MAP3K15: variants seen among roughly 807,000 people sequenced by gnomAD.
The protein encoded by MAP3K15 is mitogen-activated protein kinase kinase kinase 15.
MAP3K15 carries 124 observed loss-of-function variants against 99.5 expected under a neutral mutation model. The observed-to-expected ratio is 1.25, with a 90% confidence interval of 1.08 to 1.45. MAP3K15 has a LOEUF of 1.45. Ranked by LOEUF, MAP3K15 falls within the 40% of genes most tolerant of loss-of-function variation. MAP3K15 has a pLI of 0.00. For synonymous variants in MAP3K15, 494 were observed against 439.6 expected (o/e 1.12, Z -1.55); for missense variants, 1,242 against 1,079.7 (o/e 1.15, Z -2.11).
rs765965556 is a variant in MAP3K15 at position 19,400,581 on chromosome X, A to C, written c.1927T>G (p.Leu643Val). Residue 643 changes from leucine (L) to valine (V), a missense_variant, in exon 14 of 29, where the codon TTG becomes GTG. Physicochemically the swap from Leu to Val is conservative, Grantham distance 32. Coordinates refer to ENST00000338883, the MANE Select transcript of MAP3K15 (RefSeq NM_001001671.4). ...ELEGETDGDTLEYEYDHDANG... is the reference protein window; with the variant it reads ...ELEGETDGDTVEYEYDHDANG... Reference sequence around the variant, plus strand: ...CTAGATCGTCCATGACTCACCTCCAAGGTGTCTCCATCGGTCTCTCCCTCC... The same window carrying C: ...CTAGATCGTCCATGACTCACCTCCACGGTGTCTCCATCGGTCTCTCCCTCC... The C allele has an allele frequency of 5.0e-6, 6 of 1,193,666 alleles. No individual in the cohort carries two copies. In the South Asian group the frequency reaches 7.1e-5, roughly 14 times the overall value.
At chrX:19,447,606 G>A (rs763205068) in intron 6 of MAP3K15, among the ~76,000 whole-genome samples, 2 of 109,865 alleles carry the variant, frequency 1.8e-5, no homozygotes, top group Admixed American at 9.8e-5. Context: ...CCACGAGGCC[G>A]GGCGCGGTGG....
intron 15 of MAP3K15, among the ~76,000 whole-genome samples, chrX:19,397,048 C>T (rs1451655036): frequency 1.8e-5 from 2 of 109,067 alleles, no homozygotes; most frequent in Admixed American, 9.9e-5. Flanking sequence ...TACAGGTGTG[C>T]GCCACCATGC....
chrX:19,399,739 C>CAAA lies in MAP3K15; in HGVS notation c.1932+834_1932+836dup, dbSNP rs777947449. Among the ~76,000 whole-genome samples the CAAA allele has an allele frequency of 8.0e-3, 282 of 35,453 alleles. 11 individuals are homozygous for CAAA. The highest frequency in any genetic ancestry group is 0.011 in the African/African-American group (173 of 15,073). 30.8% of individuals were successfully genotyped at this position (35,453 alleles called of 115,157 possible). A position where few individuals can be genotyped will look rare whatever the true frequency, so the allele number is the denominator to read the frequency against. ...CAGCAACAGCGTGAGACTCTGTTTC[C>CAAA]AAAAAAAAAAAAAAAAAAAAAAAAA... On this transcript the variant is annotated intron_variant, in intron 14 of 28. Coordinates refer to ENST00000338883, the MANE Select transcript of MAP3K15 (RefSeq NM_001001671.4).
At chrX:19,441,152 C>G (rs1385806797) in intron 6 of MAP3K15, among the ~76,000 whole-genome samples, 2 of 112,157 alleles carry the variant, frequency 1.8e-5, no homozygotes, top group Non-Finnish European at 3.8e-5. Flanking sequence ...ACACAAAACA[C>G]ATATTGTATG....
chrX:19,361,426 G>T lies in MAP3K15; in HGVS notation c.3781-11C>A. ...ACCCTCTTCAACAATCTGAAACAAA[G>T]ATCAGATCCTTAAGAGCTGAGCAGC... is the stretch of plus-strand genomic sequence containing the variant. On this transcript the variant is annotated splice_polypyrimidine_tract_variant and intron_variant, in intron 27 of 28. Coordinates refer to ENST00000338883, the MANE Select transcript of MAP3K15 (RefSeq NM_001001671.4). 2 of 1,198,539 alleles carry T rather than the reference G, an allele frequency of 1.7e-6. No homozygotes were observed. The highest frequency in any genetic ancestry group is 3.5e-5 in the South Asian group (2 of 56,342).
intron 25 of MAP3K15, among the ~76,000 whole-genome samples, chrX:19,365,152 T>C (rs1232413226): frequency 2.8e-5 from 3 of 107,136 alleles, no homozygotes; most frequent in South Asian, 4.2e-4. Context: ...GAGGTTGCAG[T>C]GAGCAGAGAT....
intron 1 of MAP3K15, among the ~76,000 whole-genome samples, chrX:19,491,281 C>G (rs1043913820): frequency 9.0e-6 from 1 of 111,323 alleles, no homozygotes; most frequent in African/African-American, 3.3e-5. Context: ...AAAAAACCAA[C>G]TACAATACAA....
At chrX:19,373,174 A>C in intron 21 of MAP3K15, 1 of 149,639 alleles carries the variant, frequency 6.7e-6, no homozygotes, top group African/African-American at 4.4e-5. Context: ...GGAAGGGAGG[A>C]GGAGGGGCCA....
At position 19,373,520 on chromosome X, in the gene MAP3K15, C is replaced by T. The variant is rs1004704613; in HGVS notation, c.2933+16G>A. 1.2e-5 allele frequency: 14 copies of T among 1,165,596 alleles called. No homozygotes were observed. The highest frequency in any genetic ancestry group is 1.6e-5 in the Non-Finnish European group (14 of 871,412). On this transcript the variant is annotated intron_variant, in intron 21 of 28. Transcript: ENST00000338883. Reference sequence around the variant, plus strand: ...CCCTTTCGGGCCCGCGGCAGACAGACAGAATACGGGTGTACCTGAGGAGGT... The same window carrying T: ...CCCTTTCGGGCCCGCGGCAGACAGATAGAATACGGGTGTACCTGAGGAGGT...
intron 1 of MAP3K15, among the ~76,000 whole-genome samples, chrX:19,490,244 A>G (rs772723276): frequency 1.8e-5 from 2 of 109,229 alleles, no homozygotes; most frequent in African/African-American, 3.3e-5. Flanking sequence ...TGAACTTCAT[A>G]TAAATGGTAT....
At chrX:19,408,201 TC>T (rs2063661131) in intron 12 of MAP3K15, among the ~76,000 whole-genome samples, 1 of 111,279 alleles carries the variant, frequency 9.0e-6, no homozygotes, top group African/African-American at 3.3e-5. Flanking sequence ...GTCACATGGG[TC>T]CCGGGGAGGG....
chrX:19,445,979 A>AATAAATAC (rs2063995493), intron 6 of MAP3K15, among the ~76,000 whole-genome samples: 1 of 110,520 alleles, frequency 9.0e-6, no homozygotes, highest in Non-Finnish European at 1.9e-5. Context: ...TAAATAAATA[A>AATAAATAC]ATAAATATTA....
At position 19,423,433 on chromosome X, in the gene MAP3K15, A is replaced by T. The variant is rs1488593389; in HGVS notation, c.1439+2098T>A. 3.7e-5 allele frequency among the ~76,000 whole-genome samples: 4 copies of T among 108,541 alleles called. No homozygotes were observed. The East Asian group carries it at 1.2e-3, about 32-fold the overall frequency. The allele number at this position is 108,541 out of a possible 115,157, so 94.3% of individuals were successfully genotyped here. On this transcript the variant is annotated intron_variant, in intron 9 of 28. Coordinates refer to ENST00000338883, the MANE Select transcript of MAP3K15 (RefSeq NM_001001671.4). ...TAGATTTTGATGTTATGACATCTTG[A>T]CTCTGACCACACCTTTGCTCTTTTC...
At chrX:19,430,940 C>A in intron 7 of MAP3K15, among the ~76,000 whole-genome samples, 1 of 111,687 alleles carries the variant, frequency 9.0e-6, no homozygotes, top group Non-Finnish European at 1.9e-5. Flanking sequence ...TTCCCCATAG[C>A]CCTCAGATGA....
intron 9 of MAP3K15, among the ~76,000 whole-genome samples, chrX:19,418,632 G>C (rs1005863247): frequency 1.3e-4 from 15 of 111,445 alleles, no homozygotes; most frequent in Non-Finnish European, 2.4e-4. Flanking sequence ...GTATCTAGGA[G>C]AACTTCCCCA....
intron 1 of MAP3K15, among the ~76,000 whole-genome samples, chrX:19,495,859 G>A (rs2064397600): frequency 9.0e-6 from 1 of 111,211 alleles, no homozygotes. Flanking sequence ...AGGAGGCTGA[G>A]GCAAGAGGAT....
At position 19,450,699 on chromosome X, in the gene MAP3K15, G is replaced by A. The variant is rs189131856; in HGVS notation, c.995+6214C>T. 8.9e-4 allele frequency among the ~76,000 whole-genome samples: 97 copies of A among 108,881 alleles called. 1 individual carries two copies. Among genetic ancestry groups the A allele is most frequent in the African/African-American group, 2.9e-3 (89 of 30,571 alleles). 94.6% of individuals were successfully genotyped at this position (108,881 alleles called of 115,157 possible). ...AGCCCTTCTACTGACACATAAATAA[G>A]TTAGTAAATAAAGGAGGAAGGACAA... is the stretch of plus-strand genomic sequence containing the variant. On this transcript the variant is annotated intron_variant, in intron 6 of 28. Coordinates refer to ENST00000338883, the MANE Select transcript of MAP3K15 (RefSeq NM_001001671.4).
At chrX:19,431,235 A>C (rs1298307368) in intron 7 of MAP3K15, among the ~76,000 whole-genome samples, 1 of 111,628 alleles carries the variant, frequency 9.0e-6, no homozygotes, top group East Asian at 2.8e-4. Flanking sequence ...ACCTGTGGGA[A>C]GAGTGTGACC....
At chrX:19,471,194 G>A (rs1170751854) in intron 3 of MAP3K15, among the ~76,000 whole-genome samples, 1 of 111,473 alleles carries the variant, frequency 9.0e-6, no homozygotes, top group Non-Finnish European at 1.9e-5. Context: ...CACCTAATAT[G>A]AGTCCCAGAA....
Sources: allele counts gnomAD v4.1 joint callset (sites outside exome capture counted in the v4.1 genomes callset), GRCh38; gene constraint gnomAD v4.1.1; transcripts MANE v1.5; gene names NCBI Gene and HGNC (gene_info 2026-07-23, HGNC 2026-07-21).